RHOBTB1: variants seen among roughly 807,000 people sequenced by gnomAD.
RHOBTB1 encodes the protein Rho related BTB domain containing 1.
In RHOBTB1, 40 loss-of-function variants were observed where a neutral mutation model predicts 71.6. That is an observed-to-expected ratio of 0.56 (90% CI 0.43 to 0.73). RHOBTB1 has a LOEUF of 0.73. Among genes scored for constraint, RHOBTB1 ranks in the 30% least tolerant of loss-of-function variants. RHOBTB1 has a pLI of 0.00. For missense variants in RHOBTB1, 797 were observed against 894.0 expected, an observed-to-expected ratio of 0.89 and a Z score of 1.38; for synonymous variants, 319 against 334.9, an observed-to-expected ratio of 0.95 and a Z score of 0.52.
At chr10:60,981,795 G>A (rs2086505200) in intron 2 of RHOBTB1, among the ~76,000 whole-genome samples, 1 of 151,838 alleles carries the variant, frequency 6.6e-6, no homozygotes, top group South Asian at 2.1e-4. Flanking sequence ...TTAACACGGA[G>A]TTTCGCTTTT....
At chr10:60,894,179 T>C (rs181118576) in intron 4 of RHOBTB1, among the ~76,000 whole-genome samples, 254 of 152,282 alleles carry the variant, frequency 1.7e-3, no homozygotes, top group African/African-American at 5.4e-3. Flanking sequence ...ATAAAATTTC[T>C]AAAAATAATC....
chr10:60,893,727 A>G (rs1367355453), intron 4 of RHOBTB1, among the ~76,000 whole-genome samples: 2 of 152,256 alleles, frequency 1.3e-5, no homozygotes, highest in Admixed American at 1.3e-4. Flanking sequence ...TATGGGGAAA[A>G]GAAAAACTGC....
At position 60,971,276 on chromosome 10, in the gene RHOBTB1, G is replaced by A. The variant is rs7095485; in HGVS notation, c.-62+14569C>T. On this transcript the variant is annotated intron_variant, in intron 2 of 11. Coordinates refer to the RHOBTB1 transcript ENST00000357917. Reference sequence around the variant, plus strand: ...AAAAGAACAAAGCTGGAGGCATCACGCTACCTGACTTCAAACCATACTACA... The same window carrying A: ...AAAAGAACAAAGCTGGAGGCATCACACTACCTGACTTCAAACCATACTACA... Among the ~76,000 whole-genome samples the A allele has an allele frequency of 3.1e-3, 467 of 152,034 alleles. 3 individuals carry two copies. Among genetic ancestry groups the A allele is most frequent in the African/African-American group, 0.01 (429 of 41,478 alleles).
At chr10:60,886,599 A>G (rs1334714435) in intron 6 of RHOBTB1, among the ~76,000 whole-genome samples, 2 of 152,066 alleles carry the variant, frequency 1.3e-5, no homozygotes, top group East Asian at 3.9e-4. Context: ...TGTTTTACGT[A>G]TATTTTTAAT....
chr10:60,981,434 G>A (rs1029176650), intron 2 of RHOBTB1, among the ~76,000 whole-genome samples: 4 of 152,138 alleles, frequency 2.6e-5, no homozygotes, highest in African/African-American at 9.7e-5. Context: ...GAGAAATTAG[G>A]TAAATTATCC....
intron 2 of RHOBTB1, among the ~76,000 whole-genome samples, chr10:60,967,072 A>G (rs948884223): frequency 1.3e-5 from 2 of 152,026 alleles, no homozygotes; most frequent in African/African-American, 2.4e-5. Context: ...GCGATGCAGT[A>G]TGGTTGTTTC....
At chr10:60,883,848 G>C (rs889956437) in intron 7 of RHOBTB1, among the ~76,000 whole-genome samples, 1 of 152,198 alleles carries the variant, frequency 6.6e-6, no homozygotes, top group Non-Finnish European at 1.5e-5. Context: ...AGCCAAGAAA[G>C]GTTAAGTCAC....
chr10:60,977,368 A>G (rs2134752330), intron 2 of RHOBTB1, among the ~76,000 whole-genome samples: 1 of 152,166 alleles, frequency 6.6e-6, no homozygotes, highest in South Asian at 2.1e-4. Context: ...CATGTCACTT[A>G]TGTATGGCTG....
At chr10:60,881,886 C>T (rs2081343847) in intron 7 of RHOBTB1, among the ~76,000 whole-genome samples, 1 of 152,158 alleles carries the variant, frequency 6.6e-6, no homozygotes, top group Non-Finnish European at 1.5e-5. Flanking sequence ...TCACCTATGA[C>T]CTGCTATCTT....
chr10:60,961,863 T>C lies in RHOBTB1; in HGVS notation c.-61-20009A>G, dbSNP rs376125571. On this transcript the variant is annotated intron_variant, in intron 2 of 11. Transcript: ENST00000357917. ...TCCCTCTATCACCCAGGCTGGAGTG[T>C]AATGGGATGATCTTGGCTCACTGCA... 5.2e-3 allele frequency among the ~76,000 whole-genome samples: 777 copies of C among 150,204 alleles called. 1 individual carries two copies. The highest frequency in any genetic ancestry group is 7.1e-3 in the Non-Finnish European group (477 of 67,596).
At position 60,907,913 on chromosome 10, in the gene RHOBTB1, T is replaced by C. The variant is rs116522806; in HGVS notation, c.296+2974A>G. ...TTATGGTAGTAAAAGAACTCAACCT[T>C]TTACTCAATGGTAGCACCAAGATCA... On this transcript the variant is annotated intron_variant, in intron 4 of 10. Coordinates refer to ENST00000337910, the MANE Select transcript of RHOBTB1 (RefSeq NM_014836.5). 8.1e-3 allele frequency among the ~76,000 whole-genome samples: 1,231 copies of C among 152,250 alleles called. 13 individuals are homozygous for C. Among genetic ancestry groups the C allele is most frequent in the African/African-American group, 0.028 (1,178 of 41,538 alleles).
chr10:60,999,988 TTTAA>T (rs1167090356), intron 1 of RHOBTB1, among the ~76,000 whole-genome samples: 4 of 152,244 alleles, frequency 2.6e-5, no homozygotes, highest in African/African-American at 7.2e-5. Flanking sequence ...AAACTCATTG[TTTAA>T]TTGACAGGAA....
chr10:60,879,107 A>G (rs1480832240), intron 7 of RHOBTB1, among the ~76,000 whole-genome samples: 1 of 152,228 alleles, frequency 6.6e-6, no homozygotes, highest in Admixed American at 6.5e-5. Flanking sequence ...TGGAGGTTCA[A>G]GGAGGTTAAT....
intron 3 of RHOBTB1, 68 bp from the exon 4 acceptor site, chr10:60,911,058 A>G (rs966466406): frequency 8.0e-7 from 1 of 1,242,762 alleles, no homozygotes; most frequent in Non-Finnish European, 1.2e-6. Flanking sequence ...AGCGTGTTCA[A>G]GTCAGCACCC....
downstream of RHOBTB1, among the ~76,000 whole-genome samples, chr10:60,864,940 C>T (rs10994550): frequency 0.18 from 27,496 of 152,170 alleles, 2,780 homozygotes; most frequent in African/African-American, 0.27. Context: ...ATCTGCCTGC[C>T]TTGGCTTCCC....
intron 1 of RHOBTB1, among the ~76,000 whole-genome samples, chr10:60,942,481 G>A (rs2084951948): frequency 6.6e-6 from 1 of 152,150 alleles, no homozygotes; most frequent in African/African-American, 2.4e-5. Flanking sequence ...ATTTTCCAAA[G>A]CCTTCTGCAC....
intron 2 of RHOBTB1, among the ~76,000 whole-genome samples, chr10:60,921,330 T>A (rs1244999305): frequency 3.3e-5 from 5 of 152,114 alleles, no homozygotes; most frequent in African/African-American, 1.2e-4. Context: ...AGGGGTGCAA[T>A]GGCAGAGGAA....
chr10:60,909,782 A>C (rs1314480722), intron 4 of RHOBTB1, among the ~76,000 whole-genome samples: 1 of 152,212 alleles, frequency 6.6e-6, no homozygotes, highest in Non-Finnish European at 1.5e-5. Flanking sequence ...AGGGGACATT[A>C]AAATCGTGTT....
intron 2 of RHOBTB1, among the ~76,000 whole-genome samples, chr10:60,958,074 G>A (rs888967581): frequency 1.3e-5 from 2 of 152,064 alleles, no homozygotes; most frequent in South Asian, 4.2e-4. Context: ...TTGGGTCCTC[G>A]GGACATGTGG....
Sources: gnomAD v4.1 joint callset for allele counts (sites outside exome capture counted in the v4.1 genomes callset) on GRCh38, gnomAD v4.1.1 for gene constraint, MANE v1.5 for transcripts, NCBI Gene and HGNC (gene_info 2026-07-23, HGNC 2026-07-21) for gene names.